Variants in NIPSNAP3B observed in about 807,000 individuals in gnomAD.
NIPSNAP3B encodes the protein nipsnap homolog 3B.
NIPSNAP3B carries 30 observed loss-of-function variants against 31.5 expected under a neutral mutation model. That is an observed-to-expected ratio of 0.95 (90% CI 0.71 to 1.29). The LOEUF is 1.29. NIPSNAP3B is among the 50% of genes most tolerant of loss of function. The pLI, the probability that NIPSNAP3B is intolerant of heterozygous loss-of-function variation, is 0.00. For synonymous variants in NIPSNAP3B, 106 were observed against 107.9 expected (o/e 0.98, Z 0.11); for missense variants, 269 against 300.7 (o/e 0.89, Z 0.78).
At chr9:104,779,821 G>C (rs1828428994), downstream of NIPSNAP3B, among the ~76,000 whole-genome samples, 1 of 152,098 alleles carries the variant, frequency 6.6e-6, no homozygotes, top group African/African-American at 2.4e-5. Flanking sequence ...CTTAGGTCAG[G>C]AGTTTGAGAC....
chr9:104,772,741 A>C, intron 4 of NIPSNAP3B, 81 bp from the exon 5 acceptor site: 8 of 1,465,748 alleles, frequency 5.5e-6, no homozygotes, highest in South Asian at 3.6e-5. Flanking sequence ...GAATAAGACA[A>C]CATTTCTGAT....
chr9:104,779,096 G>A (rs529791310), downstream of NIPSNAP3B, among the ~76,000 whole-genome samples: 9 of 152,104 alleles, frequency 5.9e-5, no homozygotes, highest in East Asian at 3.9e-4. Context: ...AATATCCTTC[G>A]CACCCACCTT....
chr9:104,766,568 A>G (rs747191448), intron 2 of NIPSNAP3B, 33 bp downstream of exon 2: 1 of 1,576,114 alleles, frequency 6.3e-7, no homozygotes, highest in African/African-American at 1.3e-5. Flanking sequence ...TATTCAGTAT[A>G]GATTTTCATT....
At chr9:104,785,239 G>A in the NIPSNAP3B span, among the ~76,000 whole-genome samples, 1 of 152,096 alleles carries the variant, frequency 6.6e-6, no homozygotes, top group African/African-American at 2.4e-5. Flanking sequence ...CCCTTTTCAG[G>A]TTCAGAGAGG....
Position 104,766,346 on chromosome 9 carries a change from G to C in NIPSNAP3B, c.82G>C (p.Gly28Arg). 1.2e-6 allele frequency: 2 copies of C among 1,613,424 alleles called. No homozygotes were observed. Among genetic ancestry groups the C allele is most frequent in the Non-Finnish European group, 8.5e-7 (1 of 1,179,562 alleles). ...TCAGGTGTGTTCATCTTTTGCTACG[G>C]GCCCTAGACAATACGATGGAACGTT... ...APQVCSSFAT[G>R]PRQYDGTFYE... is the part of the protein sequence containing the mutation. Residue 28 changes from glycine (G) to arginine (R), a missense_variant, in exon 2 of 6, where the codon GGC becomes CGC. Transcript: ENST00000374762.
intron 1 of NIPSNAP3B, among the ~76,000 whole-genome samples, chr9:104,764,701 G>A (rs1190103523): frequency 6.6e-6 from 1 of 152,192 alleles, no homozygotes; most frequent in East Asian, 1.9e-4. Context: ...CACCACGCCC[G>A]GCTAATTTTT....
At chr9:104,768,750 T>G in intron 2 of NIPSNAP3B, 113 bp from the exon 3 acceptor site, 1 of 804,050 alleles carries the variant, frequency 1.2e-6, no homozygotes, top group Middle Eastern at 3.6e-4. Context: ...AGCGACATAA[T>G]AACATGGGGT....
rs780036326 is a variant in NIPSNAP3B, at chr9:104,766,321, T to G, written c.61-4T>G. ...GATATTTACATTTGTCTTACCTCCT[T>G]CAGGTGTGTTCATCTTTTGCTACGG... On this transcript the variant is annotated splice_region_variant and splice_polypyrimidine_tract_variant and intron_variant, in intron 1 of 5. Coordinates refer to ENST00000374762, the MANE Select transcript of NIPSNAP3B (RefSeq NM_018376.4). 1.7e-5 allele frequency: 28 copies of G among 1,612,332 alleles called. No individual in the cohort carries two copies. Among genetic ancestry groups the G allele is most frequent in the South Asian group, 3.3e-5 (3 of 91,006 alleles).
At chr9:104,785,440 G>A in the NIPSNAP3B span, 1 of 1,614,128 alleles carries the variant, frequency 6.2e-7, no homozygotes, top group Non-Finnish European at 8.5e-7. Flanking sequence ...TCTATGTGGA[G>A]TCGCTTTTTG....
Position 104,766,401 on chromosome 9 carries a change from C to A in NIPSNAP3B, c.137C>A (p.Pro46His), listed in dbSNP as rs1828090797. The A allele has an allele frequency of 6.2e-7, 1 of 1,613,662 alleles. No homozygotes were observed. Among genetic ancestry groups the A allele is most frequent in the Non-Finnish European group, 8.5e-7 (1 of 1,179,746 alleles). The stretch of plus-strand genomic sequence containing the variant: ...GAATTTCGTACTTATTACCTTAAAC[C>A]TTCAAATATGAATGCGTTCATGGAA... ...FYEFRTYYLKPSNMNAFMENL... is the reference protein window; with the variant it reads ...FYEFRTYYLKHSNMNAFMENL... The change falls in exon 2 of 6, where the codon CCT (proline) becomes CAT (histidine). Residue 46 changes from proline (P) to histidine (H), a missense_variant. Physicochemically the swap from Pro to His is moderately conservative, Grantham distance 77 (BLOSUM62 -2). Transcript: ENST00000374762.
At chr9:104,786,204 C>A in the NIPSNAP3B span, 1 of 1,067,026 alleles carries the variant, frequency 9.4e-7, no homozygotes, top group Non-Finnish European at 1.4e-6. Context: ...AGTTTTATTT[C>A]CCTTTATGTT....
At chr9:104,770,560 T>G (rs536170784) in intron 3 of NIPSNAP3B, among the ~76,000 whole-genome samples, 14 of 152,204 alleles carry the variant, frequency 9.2e-5, no homozygotes, top group Non-Finnish European at 2.1e-4. Context: ...CTGACAAATT[T>G]TATAGATTAA....
chr9:104,770,807 T>C (rs776476092), intron 3 of NIPSNAP3B, 42 bp from the exon 4 acceptor site: 26 of 1,589,096 alleles, frequency 1.6e-5, no homozygotes, highest in Non-Finnish European at 2.1e-5. Flanking sequence ...AGAAATTGTT[T>C]GAATGTCTTC....
rs975254947 is a variant in NIPSNAP3B at position 104,774,409 on chromosome 9, A to C, written c.*1336A>C. ...TTCCATGCAGAGTTCAAAGAGGCCTAAGACATCTCACATTTATGTGAAATA... is the reference window on the plus strand; with the variant it reads ...TTCCATGCAGAGTTCAAAGAGGCCTCAGACATCTCACATTTATGTGAAATA... On this transcript the variant is annotated 3_prime_UTR_variant, in exon 6 of 6. Transcript: ENST00000374762. Among the ~76,000 whole-genome samples, 4 of 152,254 alleles carry C rather than the reference A, an allele frequency of 2.6e-5. No homozygotes were observed.
chr9:104,775,974 T>C lies in NIPSNAP3B; in HGVS notation c.*2901T>C, dbSNP rs1244954117. Reference sequence around the variant, plus strand: ...AGTGGTCTTAACTGGTGTGCTGCCCTTCCCCTCTGCTCTCAACCCTATTTT... The same window carrying C: ...AGTGGTCTTAACTGGTGTGCTGCCCCTCCCCTCTGCTCTCAACCCTATTTT... On this transcript the variant is annotated 3_prime_UTR_variant, in exon 6 of 6. Transcript: ENST00000374762. Among the ~76,000 whole-genome samples, 1 of 152,166 alleles carries C rather than the reference T, an allele frequency of 6.6e-6. No individual in the cohort carries two copies. Among genetic ancestry groups the C allele is most frequent in the African/African-American group, 2.4e-5 (1 of 41,436 alleles).
rs528633640 is a variant in NIPSNAP3B, at chr9:104,776,134, A to G, written c.*3061A>G. ...CTAACTGTGGTCTACAAGTCTTTAC[A>G]TGATCTGTCCTGTTACATTTTCCAC... On this transcript the variant is annotated 3_prime_UTR_variant, in exon 6 of 6. Coordinates refer to ENST00000374762, the MANE Select transcript of NIPSNAP3B (RefSeq NM_018376.4). 1.8e-4 allele frequency among the ~76,000 whole-genome samples: 27 copies of G among 152,264 alleles called. 1 individual carries two copies. The South Asian group carries it at 1.9e-3, about 11-fold the overall frequency.
the NIPSNAP3B span, chr9:104,786,807 G>T: frequency 7.4e-7 from 1 of 1,359,256 alleles, no homozygotes; most frequent in South Asian, 1.2e-5. Flanking sequence ...TTTACAAAAT[G>T]ATCGCATATT....
chr9:104,786,756 TA>T, the NIPSNAP3B span: 1 of 960,632 alleles, frequency 1.0e-6, no homozygotes, highest in African/African-American at 1.6e-5. Flanking sequence ...TAATTTCAGG[TA>T]ATAATTGTTT....
intron 1 of NIPSNAP3B, among the ~76,000 whole-genome samples, chr9:104,764,716 T>C (rs2118776038): frequency 6.6e-6 from 1 of 152,186 alleles, no homozygotes; most frequent in East Asian, 1.9e-4. Context: ...ATTTTTTTTG[T>C]GTTTACTATT....
Sources: allele counts gnomAD v4.1 joint callset (sites outside exome capture counted in the v4.1 genomes callset), GRCh38; gene constraint gnomAD v4.1.1; transcripts MANE v1.5; gene names NCBI Gene and HGNC (gene_info 2026-07-23, HGNC 2026-07-21).